The following FBXL19 variants were observed in gnomAD, a reference collection of about 807,000 sequenced individuals.
FBXL19 encodes the protein F-box/LRR-repeat protein 19.
FBXL19 carries 16 observed loss-of-function variants against 71.2 expected under a neutral mutation model. That is an observed-to-expected ratio of 0.22 (90% confidence interval 0.15 to 0.34). FBXL19 has a LOEUF of 0.34. Among genes scored for constraint, FBXL19 ranks in the 10% least tolerant of loss-of-function variants. The pLI is 1.00. For missense variants in FBXL19, 658 were observed against 968.2 expected, an observed-to-expected ratio of 0.68 and a Z score of 4.25; for synonymous variants, 447 against 409.4, an observed-to-expected ratio of 1.09 and a Z score of -1.11.
At chr16:30,933,399 A>G (rs2055696773) in intron 7 of FBXL19, among the ~76,000 whole-genome samples, 1 of 152,134 alleles carries the variant, frequency 6.6e-6, no homozygotes, top group Non-Finnish European at 1.5e-5. Flanking sequence ...TTGGCCTCCC[A>G]AAGTGCTTGG....
rs779655996 is a variant in FBXL19 at position 30,942,104 on chromosome 16, T to C, written c.1302-12T>C. On this transcript the variant is annotated splice_polypyrimidine_tract_variant and intron_variant, in intron 7 of 10. Coordinates refer to ENST00000338343, the MANE Select transcript of FBXL19 (RefSeq NM_001382779.1). This position sits in a 1 kb window ranked among gnomAD's most constrained non-coding sequence, Gnocchi z 5.7. ...AGGGCTGAGGTCTCTGTCTCCCCCCTATGGCCGCCAGGTGCTATGACAAGC... is the reference window on the plus strand; with the variant it reads ...AGGGCTGAGGTCTCTGTCTCCCCCCCATGGCCGCCAGGTGCTATGACAAGC... The C allele has an allele frequency of 1.9e-6, 3 of 1,558,570 alleles. No individual in the cohort carries two copies. Among genetic ancestry groups the C allele is most frequent in the Non-Finnish European group, 1.7e-6 (2 of 1,147,184 alleles).
At chr16:30,926,496 G>A (rs1223908918) in intron 2 of FBXL19, among the ~76,000 whole-genome samples, 3 of 152,068 alleles carry the variant, frequency 2.0e-5, no homozygotes, top group East Asian at 1.9e-4. Context: ...ATGGGTTTCC[G>A]CCCTGCCTTC....
Position 30,947,981 on chromosome 16 carries a change from C to T in FBXL19, c.*751C>T, listed in dbSNP as rs1266287471. 2.5e-6 allele frequency: 1 copy of T among 393,598 alleles called. No homozygotes were observed. Among genetic ancestry groups the T allele is most frequent in the East Asian group, 7.4e-5 (1 of 13,470 alleles). The allele number at this position is 393,598 out of a possible 1,614,324, so 24.4% of individuals were successfully genotyped here. ...GAGTGGCGAGGGGCGCCCCAACCCC[C>T]TGCCCGCCTCTCCGCACAATACTTG... is the stretch of plus-strand genomic sequence containing the variant. On this transcript the variant is annotated 3_prime_UTR_variant, in exon 11 of 11. Coordinates refer to ENST00000338343, the MANE Select transcript of FBXL19 (RefSeq NM_001382779.1).
chr16:30,945,601 T>C (rs2055848942), intron 9 of FBXL19, among the ~76,000 whole-genome samples: 1 of 148,652 alleles, frequency 6.7e-6, no homozygotes, highest in Non-Finnish European at 1.5e-5. Flanking sequence ...AGGTGGAAGT[T>C]GCAGTGAGCC....
rs995434790 is a variant in FBXL19 at position 30,946,009 on chromosome 16, G to T, written c.1628-721G>T. ...GCATTGCTATAAAGAAATACCTTCG[G>T]CTGGGTAATTTATAAAGAAAAGAGG... On this transcript the variant is annotated intron_variant, in intron 9 of 10. Coordinates refer to ENST00000338343, the MANE Select transcript of FBXL19 (RefSeq NM_001382779.1). The surrounding 1 kb of genome is among the most constrained non-coding windows in gnomAD (Gnocchi z 6.7). 6.6e-6 allele frequency among the ~76,000 whole-genome samples: 1 copy of T among 152,008 alleles called. No individual in the cohort carries two copies. Among genetic ancestry groups the T allele is most frequent in the African/African-American group, 2.4e-5 (1 of 41,372 alleles).
In FBXL19 at chr16:30,939,422, T is replaced by C. The variant is rs558993611; in HGVS notation, c.1302-2694T>C. 4.6e-5 allele frequency among the ~76,000 whole-genome samples: 6 copies of C among 131,642 alleles called. No homozygotes were observed. In the East Asian group the frequency reaches 1.4e-3, roughly 30 times the overall value. The allele number at this position is 131,642 out of a possible 152,430, so 86.4% of individuals were successfully genotyped here. ...AACAATACTGGGGTTTTTTTTTTTG[T>C]TTTTTTTTTGAGACGGAGTCTCGCT... is the stretch of plus-strand genomic sequence containing the variant. On this transcript the variant is annotated intron_variant, in intron 7 of 10. Coordinates refer to ENST00000338343, the MANE Select transcript of FBXL19 (RefSeq NM_001382779.1).
At chr16:30,943,364 G>A (rs943856874) in intron 9 of FBXL19, among the ~76,000 whole-genome samples, 2 of 109,070 alleles carry the variant, frequency 1.8e-5, no homozygotes, top group Non-Finnish European at 3.8e-5. Context: ...TAATTTTTTT[G>A]TAATTTTTTT....
At chr16:30,945,601 T>TA (rs1400111795) in intron 9 of FBXL19, among the ~76,000 whole-genome samples, 2 of 148,652 alleles carry the variant, frequency 1.3e-5, no homozygotes, top group Non-Finnish European at 3.0e-5. Flanking sequence ...AGGTGGAAGT[T>TA]GCAGTGAGCC....
intron 7 of FBXL19, among the ~76,000 whole-genome samples, chr16:30,935,574 G>C (rs1045452492): frequency 5.3e-5 from 8 of 152,152 alleles, no homozygotes; most frequent in Admixed American, 1.3e-4. Flanking sequence ...AATACAAGGT[G>C]ATCATGGTCG....
Position 30,942,111 on chromosome 16 carries a change from G to A in FBXL19, c.1302-5G>A, listed in dbSNP as rs770391389. 10 of 1,566,032 alleles carry A rather than the reference G, an allele frequency of 6.4e-6. No homozygotes were observed. The highest frequency in any genetic ancestry group is 2.3e-5 in the South Asian group (2 of 85,908). ...AGGTCTCTGTCTCCCCCCTATGGCCGCCAGGTGCTATGACAAGCGTCTGTG... is the reference window on the plus strand; with the variant it reads ...AGGTCTCTGTCTCCCCCCTATGGCCACCAGGTGCTATGACAAGCGTCTGTG... On this transcript the variant is annotated splice_polypyrimidine_tract_variant and splice_region_variant and intron_variant, in intron 7 of 10. Coordinates refer to ENST00000338343, the MANE Select transcript of FBXL19 (RefSeq NM_001382779.1). This position sits in a 1 kb window ranked among gnomAD's most constrained non-coding sequence, Gnocchi z 5.7.
Position 30,930,639 on chromosome 16 carries a change from G to A in FBXL19, c.1301+55G>A, listed in dbSNP as rs905160730. 1.0e-5 allele frequency: 14 copies of A among 1,400,948 alleles called. No homozygotes were observed. Among genetic ancestry groups the A allele is most frequent in the African/African-American group, 3.0e-5 (2 of 66,522 alleles). The allele number at this position is 1,400,948 out of a possible 1,614,324, so 86.8% of individuals were successfully genotyped here. A position where few individuals can be genotyped will look rare whatever the true frequency, so the allele number is the denominator to read the frequency against. ...TGGCCAGCAGGCTTCCCGCTTGCTGGGTGACCTGCGGTAGGTCTCTGGCCC... is the reference window on the plus strand; with the variant it reads ...TGGCCAGCAGGCTTCCCGCTTGCTGAGTGACCTGCGGTAGGTCTCTGGCCC... On this transcript the variant is annotated intron_variant, in intron 7 of 10. Coordinates refer to ENST00000338343, the MANE Select transcript of FBXL19 (RefSeq NM_001382779.1). The surrounding 1 kb of genome is among the most constrained non-coding windows in gnomAD (Gnocchi z 8.5).
intron 7 of FBXL19, among the ~76,000 whole-genome samples, chr16:30,941,056 T>TCAA (rs1460522501): frequency 3.3e-5 from 5 of 152,208 alleles, no homozygotes; most frequent in African/African-American, 1.2e-4. Flanking sequence ...TTCATCTTTG[T>TCAA]AGCTTCAATA....
chr16:30,925,963 C>A lies in FBXL19; in HGVS notation c.177+32C>A. 6.9e-7 allele frequency: 1 copy of A among 1,459,002 alleles called. No individual in the cohort carries two copies. The highest frequency in any genetic ancestry group is 1.5e-5 in the African/African-American group (1 of 67,584). The allele number at this position is 1,459,002 out of a possible 1,614,324, so 90.4% of individuals were successfully genotyped here. A position where few individuals can be genotyped will look rare whatever the true frequency, so the allele number is the denominator to read the frequency against. ...TCTGCCCCCACCTTTGGGCTCTGCCCACCCTTCCCAATACCTTCTTGGAAT... is the reference window on the plus strand; with the variant it reads ...TCTGCCCCCACCTTTGGGCTCTGCCAACCCTTCCCAATACCTTCTTGGAAT... On this transcript the variant is annotated intron_variant, in intron 2 of 10. Coordinates refer to ENST00000338343, the MANE Select transcript of FBXL19 (RefSeq NM_001382779.1). The surrounding 1 kb of genome is among the most constrained non-coding windows in gnomAD (Gnocchi z 5.0).
Position 30,945,606 on chromosome 16 carries a change from TG to T in FBXL19, c.1628-1123del, listed in dbSNP as rs1445477513. On this transcript the variant is annotated intron_variant, in intron 9 of 10. Coordinates refer to ENST00000338343, the MANE Select transcript of FBXL19 (RefSeq NM_001382779.1). ...TGAACCTGGGAGGTGGAAGTTGCAG[TG>T]AGCCGAGATTGCACCACTGTACTCC... 4.7e-5 allele frequency among the ~76,000 whole-genome samples: 7 copies of T among 148,388 alleles called. No homozygotes were observed. The East Asian group carries it at 1.4e-3, about 29-fold the overall frequency.
intron 1 of FBXL19, chr16:30,924,719 C>T: frequency 1.3e-6 from 2 of 1,498,188 alleles, no homozygotes; most frequent in Non-Finnish European, 8.8e-7. Flanking sequence ...CTGGAGGGCC[C>T]CTTAGCCCCA....
intron 7 of FBXL19, among the ~76,000 whole-genome samples, chr16:30,932,263 C>T (rs4889515): frequency 0.99 from 150,627 of 152,338 alleles, 74,499 homozygotes; most frequent in Middle Eastern, 1. Context: ...CACAGCCTGT[C>T]AGGCCTCAGA....
At position 30,927,838 on chromosome 16, in the gene FBXL19, C is replaced by A; in HGVS notation, c.502C>A (p.Leu168Ile). Reference protein sequence around the residue: ...SGWKLTEEPPLPPPPPRRKGP... With the variant: ...SGWKLTEEPPIPPPPPRRKGP... Reference sequence around the variant, plus strand: ...ATGGAAGCTGACAGAGGAGCCACCGCTTCCACCGCCCCCGCCCAGGCGCAA... The same window carrying A: ...ATGGAAGCTGACAGAGGAGCCACCGATTCCACCGCCCCCGCCCAGGCGCAA... The change falls in exon 5 of 11, where the codon CTT (leucine) becomes ATT (isoleucine). Residue 168 changes from leucine (L) to isoleucine (I), a missense_variant. Leu to Ile is a conservative substitution (Grantham distance 5). Transcript: ENST00000338343. 6.5e-7 allele frequency: 1 copy of A among 1,545,714 alleles called. No homozygotes were observed. Among genetic ancestry groups the A allele is most frequent in the Non-Finnish European group, 8.7e-7 (1 of 1,146,484 alleles).
At chr16:30,943,059 C>G (rs1240057137) in intron 9 of FBXL19, among the ~76,000 whole-genome samples, 1 of 152,244 alleles carries the variant, frequency 6.6e-6, no homozygotes, top group Non-Finnish European at 1.5e-5. Flanking sequence ...TCCCCCAGCA[C>G]GTTCTCAGTG....
At chr16:30,945,481 G>A (rs1276655188) in intron 9 of FBXL19, among the ~76,000 whole-genome samples, 1 of 151,650 alleles carries the variant, frequency 6.6e-6, no homozygotes, top group Non-Finnish European at 1.5e-5. Context: ...CCAACATGGT[G>A]AAACCCCATC....
Sources: gnomAD v4.1 joint callset for allele counts (sites outside exome capture counted in the v4.1 genomes callset) on GRCh38, gnomAD v4.1.1 for gene constraint, Gnocchi (gnomAD v3.1) non-coding constraint, MANE v1.5 for transcripts, NCBI Gene and HGNC (gene_info 2026-07-23, HGNC 2026-07-21) for gene names.